SF3B1: variants seen among roughly 807,000 people sequenced by gnomAD.
SF3B1 encodes pre-mRNA processing 10.
A neutral mutation model predicts 153.8 loss-of-function variants in SF3B1; 12 were observed. The ratio of observed to expected loss-of-function variants is 0.08; its 90% CI spans 0.05 to 0.13. The LOEUF is 0.13. SF3B1 is among the 10% of genes least tolerant of loss of function. SF3B1 has a pLI of 1.00. For missense variants in SF3B1, 513 were observed against 1,606.1 expected (o/e 0.32, Z 11.63); for synonymous variants, 498 against 525.2 (o/e 0.95, Z 0.71).
intron 1 of SF3B1, among the ~76,000 whole-genome samples, chr2:197,434,649 C>CCCCGCTTCCCCGATCCCTTG (rs2085493627): frequency 1.3e-5 from 2 of 152,194 alleles, no homozygotes; most frequent in Non-Finnish European, 2.9e-5. Context: ...GAGACCTTCT[C>CCCCGCTTCCCCGATCCCTTG]CCCACGCCCG....
chr2:197,413,237 C>G (rs958166036), intron 6 of SF3B1, among the ~76,000 whole-genome samples: 3 of 151,848 alleles, frequency 2.0e-5, no homozygotes, highest in African/African-American at 4.8e-5. Flanking sequence ...CCTGTCTCTA[C>G]TAAAAATACA....
Position 197,391,239 on chromosome 2 carries a change from C to G in SF3B1, c.*1064G>C, listed in dbSNP as rs1574519893. 6.6e-6 allele frequency: 1 copy of G among 152,212 alleles called. No homozygotes were observed. The highest frequency in any genetic ancestry group is 1.5e-5 in the Non-Finnish European group (1 of 68,044). The allele number at this position is 152,212 out of a possible 1,614,324, so 9.4% of individuals were successfully genotyped here. The stretch of plus-strand genomic sequence containing the variant: ...AGTTTATGCTGAACTCTTAGATCAA[C>G]TTATTATTACTGAATACAAAGCTAA... On this transcript the variant is annotated 3_prime_UTR_variant, in exon 25 of 25. Transcript: ENST00000335508.
intron 5 of SF3B1, among the ~76,000 whole-genome samples, chr2:197,417,479 T>C (rs921345121): frequency 6.6e-6 from 1 of 150,630 alleles, no homozygotes; most frequent in Non-Finnish European, 1.5e-5. Context: ...GGCTCACACC[T>C]GTAATCCCAG....
At chr2:197,394,077 A>G (rs968270301) in intron 23 of SF3B1, among the ~76,000 whole-genome samples, 2 of 151,912 alleles carry the variant, frequency 1.3e-5, no homozygotes, top group Admixed American at 6.5e-5. Flanking sequence ...CCAGCTACTC[A>G]GGAGGCTGAG....
At chr2:197,396,992 C>G (rs1420381749) in intron 22 of SF3B1, among the ~76,000 whole-genome samples, 1 of 152,132 alleles carries the variant, frequency 6.6e-6, no homozygotes, top group Non-Finnish European at 1.5e-5. Flanking sequence ...ATCAGACATT[C>G]ACATGTCATA....
chr2:197,416,084 C>A (rs2085144461), intron 6 of SF3B1, among the ~76,000 whole-genome samples: 1 of 149,630 alleles, frequency 6.7e-6, no homozygotes, highest in African/African-American at 2.5e-5. Flanking sequence ...CCCCAAAGTG[C>A]TGAGATTATA....
chr2:197,433,549 A>G (rs543535288), intron 1 of SF3B1, among the ~76,000 whole-genome samples: 22 of 152,378 alleles, frequency 1.4e-4, no homozygotes, highest in African/African-American at 5.3e-4. Context: ...AAAATAATAA[A>G]GCCTAGGAAT....
At chr2:197,407,560 A>C (rs2085010842) in intron 9 of SF3B1, among the ~76,000 whole-genome samples, 1 of 151,404 alleles carries the variant, frequency 6.6e-6, no homozygotes, top group South Asian at 2.1e-4. Flanking sequence ...AGCCGAAATC[A>C]CGCCACTGCA....
chr2:197,409,128 G>A (rs183959098), intron 7 of SF3B1, among the ~76,000 whole-genome samples: 6 of 152,208 alleles, frequency 3.9e-5, no homozygotes, highest in Admixed American at 1.3e-4. Context: ...GGCCGGAAGC[G>A]GTGGCTCATG....
chr2:197,429,837 T>A (rs1435504862), intron 1 of SF3B1, among the ~76,000 whole-genome samples: 1 of 151,776 alleles, frequency 6.6e-6, no homozygotes, highest in Non-Finnish European at 1.5e-5. Flanking sequence ...AAACCTGAAG[T>A]ATGATTTCAG....
chr2:197,412,690 A>C (rs1216136223), intron 6 of SF3B1, among the ~76,000 whole-genome samples: 2 of 151,252 alleles, frequency 1.3e-5, no homozygotes, highest in Non-Finnish European at 2.9e-5. Flanking sequence ...AGATATCAGC[A>C]TATCAGCTCT....
intron 20 of SF3B1, 141 bp from the exon 21 acceptor site, chr2:197,398,722 AC>A: frequency 1.3e-6 from 1 of 756,078 alleles, no homozygotes; most frequent in Non-Finnish European, 2.1e-6. Context: ...CCAGATTCTG[AC>A]CAGACTCAGA....
chr2:197,426,928 C>CT (rs2085345548), intron 1 of SF3B1, among the ~76,000 whole-genome samples: 1 of 152,170 alleles, frequency 6.6e-6, no homozygotes, highest in South Asian at 2.1e-4. Flanking sequence ...GTGCAACTTG[C>CT]TTTTTCCCCC....
At chr2:197,415,476 G>T (rs1352323948) in intron 6 of SF3B1, among the ~76,000 whole-genome samples, 1 of 151,834 alleles carries the variant, frequency 6.6e-6, no homozygotes, top group East Asian at 1.9e-4. Flanking sequence ...GGCTGGTCTT[G>T]AACTCCTGAC....
At chr2:197,418,262 A>AAAAAAAAAAAAAAC (rs2085185843) in intron 5 of SF3B1, among the ~76,000 whole-genome samples, 1 of 142,488 alleles carries the variant, frequency 7.0e-6, no homozygotes, top group African/African-American at 2.6e-5. Flanking sequence ...AAAAAAAAAA[A>AAAAAAAAAAAAAAC]AATCCCTTGT....
chr2:197,420,877 T>C (rs1251181590), intron 3 of SF3B1, 152 bp downstream of exon 3: 6 of 576,554 alleles, frequency 1.0e-5, no homozygotes, highest in African/African-American at 1.9e-5. Context: ...CAGCAAAACC[T>C]TGTGTCAAAA....
At chr2:197,415,138 T>C (rs773351877) in intron 6 of SF3B1, among the ~76,000 whole-genome samples, 2 of 149,726 alleles carry the variant, frequency 1.3e-5, no homozygotes, top group Admixed American at 6.8e-5. Flanking sequence ...CAAAGCACGA[T>C]AAAACATGTT....
chr2:197,412,392 G>C (rs1293945415), intron 6 of SF3B1, among the ~76,000 whole-genome samples: 1 of 151,274 alleles, frequency 6.6e-6, no homozygotes, highest in Non-Finnish European at 1.5e-5. Flanking sequence ...GTCTCACTCT[G>C]TCACCCAGGC....
intron 8 of SF3B1, 97 bp from the exon 9 acceptor site, chr2:197,408,216 G>T: frequency 6.9e-6 from 9 of 1,313,222 alleles, no homozygotes; most frequent in Non-Finnish European, 8.4e-6. Flanking sequence ...CCTATTATTT[G>T]CTTTTATATT....
Sources: gnomAD v4.1 joint callset for allele counts (sites outside exome capture counted in the v4.1 genomes callset) on GRCh38, gnomAD v4.1.1 for gene constraint, MANE v1.5 for transcripts, NCBI Gene and HGNC (gene_info 2026-07-23, HGNC 2026-07-21) for gene names.